The following WDR25 variants were observed in gnomAD, a reference collection of about 807,000 sequenced individuals.
WDR25 encodes the protein WD repeat domain 25.
Under a neutral mutation model 47.7 loss-of-function variants are expected in WDR25, and 35 were observed. That is an observed-to-expected ratio of 0.73 (90% CI 0.56 to 0.97). The LOEUF is 0.97. Ranked by LOEUF, WDR25 falls within the 50% of genes least tolerant of loss-of-function variation. WDR25 has a pLI of 0.00. For synonymous variants in WDR25, 248 were observed against 278.9 expected (o/e 0.89, Z 1.10); for missense variants, 634 against 704.7 (o/e 0.90, Z 1.14).
chr14:100,500,798 G>T lies in WDR25; in HGVS notation c.1101+16674G>T, dbSNP rs1900896682. Among the ~76,000 whole-genome samples the T allele has an allele frequency of 6.6e-6, 1 of 152,198 alleles. No homozygotes were observed. The highest frequency in any genetic ancestry group is 2.1e-4 in the South Asian group (1 of 4,824). Reference sequence around the variant, plus strand: ...CAGAGTTGGGCTGCTCTTGGGGGTGGCTGCATTGTTAGAGCCTAGTTTTAA... The same window carrying T: ...CAGAGTTGGGCTGCTCTTGGGGGTGTCTGCATTGTTAGAGCCTAGTTTTAA... On this transcript the variant is annotated intron_variant, in intron 4 of 6. Transcript: ENST00000402312. This position sits in a 1 kb window ranked among gnomAD's most constrained non-coding sequence, Gnocchi z 4.7.
At chr14:100,409,768 T>C (rs562829642) in intron 2 of WDR25, among the ~76,000 whole-genome samples, 4 of 152,326 alleles carry the variant, frequency 2.6e-5, no homozygotes, top group African/African-American at 7.2e-5. Flanking sequence ...AGCAGTTTCC[T>C]GGGTGAGAGT....
Position 100,392,736 on chromosome 14 carries a change from G to A in WDR25, c.822+10990G>A, listed in dbSNP as rs548690977. On this transcript the variant is annotated intron_variant, in intron 2 of 6. Transcript: ENST00000402312. This position sits in a 1 kb window ranked among gnomAD's most constrained non-coding sequence, Gnocchi z 4.2. ...TTCACTGGTTCCATGACGCTCTATC[G>A]AGTTGATTAACTGTAATTTACTTAG... 6.6e-6 allele frequency among the ~76,000 whole-genome samples: 1 copy of A among 152,228 alleles called. No individual in the cohort carries two copies. The highest frequency in any genetic ancestry group is 1.9e-4 in the East Asian group (1 of 5,180).
chr14:100,484,307 C>T (rs919269124), intron 4 of WDR25, among the ~76,000 whole-genome samples, 183 bp downstream of exon 4: 1 of 152,160 alleles, frequency 6.6e-6, no homozygotes, highest in Non-Finnish European at 1.5e-5. Context: ...AGTTGTCAGA[C>T]TTAAAATATC....
intron 2 of WDR25, chr14:100,454,702 TTGTATAGAAAATC>T (rs1348380469): frequency 2.9e-5 from 10 of 339,822 alleles, no homozygotes. Context: ...TGCTAAAAAT[TTGTATAGAAAATC>T]TGTAGTGTTA....
chr14:100,483,952 CCTAAGTA>C (rs777003247), intron 3 of WDR25, 35 bp from the exon 4 acceptor site: 109 of 1,579,502 alleles, frequency 6.9e-5, no homozygotes, highest in Non-Finnish European at 8.8e-5. Flanking sequence ...TGTTTTGTGA[CCTAAGTA>C]CTTTCTAACC....
intron 2 of WDR25, among the ~76,000 whole-genome samples, chr14:100,432,307 G>T (rs1898363889): frequency 6.6e-6 from 1 of 152,124 alleles, no homozygotes; most frequent in Non-Finnish European, 1.5e-5. Context: ...TAAGTCAATG[G>T]GTATTATCCC....
chr14:100,484,772 A>G (rs1007814736), intron 4 of WDR25, among the ~76,000 whole-genome samples: 9 of 151,982 alleles, frequency 5.9e-5, no homozygotes, highest in Non-Finnish European at 1.3e-4. Context: ...AAATTCTCCA[A>G]AACTTGGACA....
intron 2 of WDR25, among the ~76,000 whole-genome samples, chr14:100,465,235 C>T (rs897138633): frequency 7.9e-5 from 12 of 152,202 alleles, no homozygotes; most frequent in African/African-American, 2.4e-4. Flanking sequence ...CCATCTTCAC[C>T]GCTATTAAGC....
chr14:100,527,564 C>T (rs1261472465), intron 5 of WDR25, among the ~76,000 whole-genome samples: 1 of 152,236 alleles, frequency 6.6e-6, no homozygotes, highest in East Asian at 1.9e-4. Flanking sequence ...ACCTCCACTG[C>T]AGGGTGTCCC....
intron 2 of WDR25, among the ~76,000 whole-genome samples, chr14:100,444,568 C>T (rs1259097800): frequency 6.6e-6 from 1 of 152,136 alleles, no homozygotes; most frequent in Admixed American, 6.5e-5. Flanking sequence ...GCCCCAGGCC[C>T]CAGGCCCCAC....
intron 4 of WDR25, among the ~76,000 whole-genome samples, chr14:100,510,088 T>A (rs1566942652): frequency 6.6e-6 from 1 of 151,660 alleles, no homozygotes; most frequent in Non-Finnish European, 1.5e-5. Context: ...CTGGCCAACA[T>A]GGCAAAACCT....
chr14:100,484,760 G>A (rs540477444), intron 4 of WDR25, among the ~76,000 whole-genome samples: 4 of 152,100 alleles, frequency 2.6e-5, no homozygotes, highest in East Asian at 3.9e-4. Context: ...CAAACCATTA[G>A]CAAATTCTCC....
chr14:100,517,919 GTTAAAA>G (rs2140375545), intron 4 of WDR25, among the ~76,000 whole-genome samples: 1 of 152,240 alleles, frequency 6.6e-6, no homozygotes, highest in African/African-American at 2.4e-5. Flanking sequence ...TACCCTGTAA[GTTAAAA>G]TTGTGTTATG....
intron 2 of WDR25, among the ~76,000 whole-genome samples, chr14:100,421,281 A>T (rs1898018495): frequency 6.6e-6 from 1 of 152,130 alleles, no homozygotes; most frequent in African/African-American, 2.4e-5. Flanking sequence ...ATTCCTATGA[A>T]CCAGAGAAGG....
chr14:100,476,861 G>C (rs1400443055), intron 3 of WDR25, among the ~76,000 whole-genome samples: 3 of 152,188 alleles, frequency 2.0e-5, no homozygotes, highest in Non-Finnish European at 4.4e-5. Flanking sequence ...AGGGGGGCAT[G>C]AGCTTCTCTT....
intron 4 of WDR25, among the ~76,000 whole-genome samples, chr14:100,516,650 A>C (rs1901505127): frequency 6.6e-6 from 1 of 152,056 alleles, no homozygotes; most frequent in Non-Finnish European, 1.5e-5. Context: ...CCTTGTTCTG[A>C]AGTCTACTTT....
At chr14:100,437,184 C>A (rs1035612892) in intron 2 of WDR25, among the ~76,000 whole-genome samples, 1 of 152,144 alleles carries the variant, frequency 6.6e-6, no homozygotes, top group African/African-American at 2.4e-5. Flanking sequence ...AGAGCAGGGA[C>A]TTCTTTCCAG....
At position 100,498,480 on chromosome 14, in the gene WDR25, C is replaced by G. The variant is rs1278365006; in HGVS notation, c.1101+14356C>G. ...CAAAAAGGTCGGTTTTCTGGCTCAC[C>G]TCACTCATTTGCTCATTGAACACTG... On this transcript the variant is annotated intron_variant, in intron 4 of 6. Coordinates refer to ENST00000402312, the MANE Select transcript of WDR25 (RefSeq NM_001161476.3). The surrounding 1 kb of genome is among the most constrained non-coding windows in gnomAD (Gnocchi z 4.2). Among the ~76,000 whole-genome samples, 1 of 152,128 alleles carries G rather than the reference C, an allele frequency of 6.6e-6. No individual in the cohort carries two copies.
intron 2 of WDR25, among the ~76,000 whole-genome samples, chr14:100,417,209 C>T (rs1380944026): frequency 6.6e-6 from 1 of 152,252 alleles, no homozygotes; most frequent in African/African-American, 2.4e-5. Flanking sequence ...CTCATCTCCT[C>T]ACCATCTGTT....
Sources: gnomAD v4.1 joint callset for allele counts (sites outside exome capture counted in the v4.1 genomes callset) on GRCh38, gnomAD v4.1.1 for gene constraint, Gnocchi (gnomAD v3.1) non-coding constraint, MANE v1.5 for transcripts, NCBI Gene and HGNC (gene_info 2026-07-23, HGNC 2026-07-21) for gene names.